Variants in GNG7 observed in about 807,000 individuals in gnomAD.
GNG7 encodes guanine nucleotide-binding protein G(I)/G(S)/G(O) subunit gamma-7.
A neutral mutation model predicts 4.0 loss-of-function variants in GNG7; 1 was observed. That is an observed-to-expected ratio of 0.25 (90% CI 0.09 to 1.18). The LOEUF is 1.18. GNG7 is among the 50% of genes most tolerant of loss of function. The probability of loss-of-function intolerance (pLI) is 0.50; values close to 1 mark genes in which losing one functional copy is unlikely to be tolerated. For missense variants in GNG7, 86 were observed against 91.9 expected (o/e 0.94, Z 0.26); for synonymous variants, 34 against 36.9 (o/e 0.92, Z 0.29).
chr19:2,529,154 G>A (rs1008541360), intron 3 of GNG7, among the ~76,000 whole-genome samples: 17 of 152,194 alleles, frequency 1.1e-4, no homozygotes, highest in African/African-American at 3.6e-4. Flanking sequence ...GATCGGATTC[G>A]GGATAGAGCC....
intron 2 of GNG7, among the ~76,000 whole-genome samples, chr19:2,577,079 A>C (rs1488881938): frequency 6.6e-6 from 1 of 152,244 alleles, no homozygotes; most frequent in Non-Finnish European, 1.5e-5. Flanking sequence ...TGGCAGGGTC[A>C]GGACAAGGTC....
At chr19:2,551,621 A>G (rs1392063132) in intron 3 of GNG7, among the ~76,000 whole-genome samples, 1 of 147,484 alleles carries the variant, frequency 6.8e-6, no homozygotes, top group Non-Finnish European at 1.5e-5. Flanking sequence ...ATATATATTT[A>G]TAAATATATA....
At chr19:2,541,559 C>T (rs1323571989) in intron 3 of GNG7, among the ~76,000 whole-genome samples, 1 of 151,852 alleles carries the variant, frequency 6.6e-6, no homozygotes, top group African/African-American at 2.4e-5. Context: ...ATGGTGAAAC[C>T]CCGTCTCTAC....
chr19:2,697,988 C>T (rs1231015321), intron 1 of GNG7, among the ~76,000 whole-genome samples: 1 of 151,522 alleles, frequency 6.6e-6, no homozygotes, highest in Non-Finnish European at 1.5e-5. Flanking sequence ...AAAGACAGGC[C>T]GGGTGCGGGG....
chr19:2,699,988 C>A (rs1913361878), intron 1 of GNG7, among the ~76,000 whole-genome samples: 1 of 152,088 alleles, frequency 6.6e-6, no homozygotes, highest in Admixed American at 6.6e-5. Flanking sequence ...TCTCCTGCCA[C>A]CAGGTGTGGG....
chr19:2,656,887 G>A (rs1232819077), intron 1 of GNG7, among the ~76,000 whole-genome samples: 6 of 152,062 alleles, frequency 3.9e-5, no homozygotes, highest in Admixed American at 6.6e-5. Flanking sequence ...TGCCAGAAAC[G>A]AGTAAGTCCT....
chr19:2,568,192 CACACACATAT>C (rs1979990359), intron 2 of GNG7, among the ~76,000 whole-genome samples: 1 of 149,352 alleles, frequency 6.7e-6, no homozygotes, highest in Non-Finnish European at 1.5e-5. Flanking sequence ...CATGCACATA[CACACACATAT>C]AGACATACAC....
chr19:2,637,101 G>A (rs944502038), intron 2 of GNG7, among the ~76,000 whole-genome samples: 6 of 145,614 alleles, frequency 4.1e-5, no homozygotes, highest in Admixed American at 4.0e-4. Context: ...GCCCCCTGCC[G>A]GCTCCAGGCC....
intron 3 of GNG7, among the ~76,000 whole-genome samples, chr19:2,539,629 G>A (rs889517801): frequency 5.9e-5 from 9 of 151,956 alleles, no homozygotes; most frequent in African/African-American, 1.9e-4. Flanking sequence ...AGACACATAC[G>A]ATATCCAATG....
At chr19:2,670,042 G>A (rs1983411670) in intron 1 of GNG7, among the ~76,000 whole-genome samples, 1 of 151,642 alleles carries the variant, frequency 6.6e-6, no homozygotes, top group Non-Finnish European at 1.5e-5. Flanking sequence ...AAAAGAAAAG[G>A]TGTGTGGACA....
chr19:2,693,866 C>G (rs1346264539), intron 1 of GNG7, among the ~76,000 whole-genome samples: 1 of 152,140 alleles, frequency 6.6e-6, no homozygotes, highest in Admixed American at 6.5e-5. Flanking sequence ...CTACCCACAA[C>G]CCCCCCAAGT....
At chr19:2,698,790 A>G (rs1468096561) in intron 1 of GNG7, among the ~76,000 whole-genome samples, 1 of 152,190 alleles carries the variant, frequency 6.6e-6, no homozygotes, top group African/African-American at 2.4e-5. Context: ...GGTGAACAAG[A>G]AAAATGCCTC....
intron 3 of GNG7, among the ~76,000 whole-genome samples, chr19:2,543,753 G>A (rs927795930): frequency 3.3e-5 from 5 of 152,162 alleles, no homozygotes; most frequent in Admixed American, 6.6e-5. Context: ...ACAATGAGGC[G>A]GCTGCGCTTT....
chr19:2,553,714 T>C (rs1041508238), intron 3 of GNG7, among the ~76,000 whole-genome samples: 2 of 148,256 alleles, frequency 1.3e-5, no homozygotes, highest in East Asian at 1.9e-4. Context: ...ACATATAATA[T>C]ATTACATATA....
intron 3 of GNG7, among the ~76,000 whole-genome samples, chr19:2,543,337 C>A (rs1485194462): frequency 6.6e-6 from 1 of 151,948 alleles, no homozygotes; most frequent in Non-Finnish European, 1.5e-5. Context: ...CCTCCCACCT[C>A]AGCCTTCTGA....
At chr19:2,561,572 A>G (rs920990996) in intron 2 of GNG7, among the ~76,000 whole-genome samples, 2 of 152,102 alleles carry the variant, frequency 1.3e-5, no homozygotes, top group African/African-American at 4.8e-5. Context: ...AGCCTCTCTC[A>G]GAAAGATAGA....
At chr19:2,643,804 C>A (rs1982585882) in intron 2 of GNG7, 2 of 371,132 alleles carry the variant, frequency 5.4e-6, no homozygotes, top group Non-Finnish European at 1.1e-5. Context: ...AGCTATGCAA[C>A]CATCAGCATA....
rs139051862 is a variant in GNG7 at position 2,672,165 on chromosome 19, G to A, written c.-134-25885C>T. Among the ~76,000 whole-genome samples, 1,279 of 151,494 alleles carry A rather than the reference G, an allele frequency of 8.4e-3. 21 individuals are homozygous for A. Among genetic ancestry groups the A allele is most frequent in the African/African-American group, 0.029 (1,181 of 41,358 alleles). ...CAATTCTCCTGCCTCAGCCTCCCGA[G>A]TAGCTGGGACCACAGGCACCTGCCA... On this transcript the variant is annotated intron_variant, in intron 1 of 4. Coordinates refer to ENST00000382159, the MANE Select transcript of GNG7 (RefSeq NM_052847.3).
At chr19:2,525,792 T>C (rs1978372154) in intron 3 of GNG7, among the ~76,000 whole-genome samples, 1 of 151,990 alleles carries the variant, frequency 6.6e-6, no homozygotes, top group Non-Finnish European at 1.5e-5. Context: ...AGTGAAAAGT[T>C]AGAATGAAAG....
Sources: allele counts gnomAD v4.1 joint callset (sites outside exome capture counted in the v4.1 genomes callset), GRCh38; gene constraint gnomAD v4.1.1; transcripts MANE v1.5; gene names NCBI Gene and HGNC (gene_info 2026-07-23, HGNC 2026-07-21).